ELF2: variants seen among roughly 807,000 people sequenced by gnomAD.
ELF2 encodes the protein ETS-related transcription factor Elf-2.
ELF2 carries 11 observed loss-of-function variants against 54.8 expected under a neutral mutation model. The observed-to-expected ratio is 0.20, with a 90% CI of 0.13 to 0.33. The LOEUF (loss-of-function observed/expected upper bound fraction) is 0.33. Among genes scored for constraint, ELF2 ranks in the 10% least tolerant of loss-of-function variants. ELF2 has a pLI of 1.00. For missense variants in ELF2, 513 were observed against 703.0 expected (o/e 0.73, Z 3.06); for synonymous variants, 203 against 245.1 (o/e 0.83, Z 1.61).
At chr4:139,097,137 T>C (rs570160891) in intron 4 of ELF2, among the ~76,000 whole-genome samples, 1 of 152,326 alleles carries the variant, frequency 6.6e-6, no homozygotes, top group Non-Finnish European at 1.5e-5. Flanking sequence ...TTATATTTCA[T>C]AGTGAGTTCT....
intron 3 of ELF2, among the ~76,000 whole-genome samples, chr4:139,128,524 CTTTT>C (rs572395535): frequency 2.9e-5 from 4 of 139,956 alleles, no homozygotes; most frequent in Non-Finnish European, 3.1e-5. Flanking sequence ...TATTTTTTTG[CTTTT>C]TTTTTTTTTT....
chr4:139,137,241 A>G (rs371853816), intron 3 of ELF2: 10 of 170,918 alleles, frequency 5.9e-5, no homozygotes, highest in Non-Finnish European at 8.6e-5. Context: ...AGAAACAAAG[A>G]TAATAAGTAA....
chr4:139,126,946 G>T (rs1198592788), intron 3 of ELF2, among the ~76,000 whole-genome samples: 2 of 152,160 alleles, frequency 1.3e-5, no homozygotes, highest in African/African-American at 4.8e-5. Context: ...GAGATTCCAC[G>T]ATGCTAGCTA....
At chr4:139,108,973 T>C (rs1488767787) in intron 4 of ELF2, among the ~76,000 whole-genome samples, 7 of 152,274 alleles carry the variant, frequency 4.6e-5, no homozygotes, top group Middle Eastern at 3.4e-3. Context: ...GGAGGCATCA[T>C]AGCAACTCTT....
At chr4:139,087,931 A>G (rs1384904384) in intron 4 of ELF2, among the ~76,000 whole-genome samples, 1 of 152,280 alleles carries the variant, frequency 6.6e-6, no homozygotes, top group East Asian at 1.9e-4. Flanking sequence ...CTGGGAAAAA[A>G]AATTTGCAAT....
At chr4:139,126,739 G>A (rs1736957767) in intron 3 of ELF2, among the ~76,000 whole-genome samples, 1 of 152,092 alleles carries the variant, frequency 6.6e-6, no homozygotes, top group Non-Finnish European at 1.5e-5. Flanking sequence ...TATAGAAGTA[G>A]AATAAAGGTA....
intron 4 of ELF2, among the ~76,000 whole-genome samples, chr4:139,086,987 T>G (rs1250357427): frequency 6.6e-6 from 1 of 152,234 alleles, no homozygotes; most frequent in East Asian, 1.9e-4. Context: ...AAAAGTAATT[T>G]TATTGTAAGT....
At chr4:139,074,366 T>G (rs916919330) in intron 4 of ELF2, among the ~76,000 whole-genome samples, 3 of 152,178 alleles carry the variant, frequency 2.0e-5, no homozygotes, top group African/African-American at 7.2e-5. Flanking sequence ...TGCGCTAATT[T>G]AATCAATTAA....
chr4:139,068,384 G>T (rs1362833219), intron 6 of ELF2, among the ~76,000 whole-genome samples: 1 of 152,168 alleles, frequency 6.6e-6, no homozygotes, highest in Non-Finnish European at 1.5e-5. Context: ...TTTGTTTTCT[G>T]TTCTACAGGA....
chr4:139,095,307 C>T (rs1418347575), intron 4 of ELF2, among the ~76,000 whole-genome samples: 1 of 151,978 alleles, frequency 6.6e-6, no homozygotes, highest in Non-Finnish European at 1.5e-5. Context: ...ACCTCAGCCT[C>T]CCAAGTAGCT....
rs529344569 is a variant in ELF2, at chr4:139,109,129, A to AT, written c.238+16034dup. ...AACCTGCTGGTATAAATCTAACTTT[A>AT]TTTTTTTTTTCAGGAAGATGCTTCA... On this transcript the variant is annotated intron_variant, in intron 4 of 9. Coordinates refer to ENST00000686138, the MANE Select transcript of ELF2 (RefSeq NM_001331036.3). Among the ~76,000 whole-genome samples the AT allele has an allele frequency of 2.1e-3, 318 of 150,088 alleles. 1 individual carries two copies. Among genetic ancestry groups the AT allele is most frequent in the Non-Finnish European group, 3.7e-3 (250 of 67,390 alleles).
chr4:139,127,704 C>A (rs974321096), intron 3 of ELF2, among the ~76,000 whole-genome samples: 3 of 152,090 alleles, frequency 2.0e-5, no homozygotes, highest in Non-Finnish European at 4.4e-5. Flanking sequence ...AGGGTTCATG[C>A]CTGTAATCCC....
intron 4 of ELF2, among the ~76,000 whole-genome samples, chr4:139,109,825 G>A (rs1734779838): frequency 3.3e-5 from 5 of 152,140 alleles, no homozygotes; most frequent in Admixed American, 3.3e-4. Flanking sequence ...AAAGGAGGGA[G>A]GGAGGAACAG....
intron 4 of ELF2, among the ~76,000 whole-genome samples, chr4:139,121,257 C>T (rs1472770078): frequency 4.0e-5 from 6 of 150,586 alleles, no homozygotes; most frequent in South Asian, 2.1e-4. Context: ...TACAGGCGCC[C>T]GCTACCACGC....
rs536472282 is a variant in ELF2, at chr4:139,059,372, T to C, written c.1393A>G (p.Thr465Ala). The C allele has an allele frequency of 1.2e-6, 2 of 1,613,986 alleles. No homozygotes were observed. The highest frequency in any genetic ancestry group is 1.7e-6 in the Non-Finnish European group (2 of 1,179,864). ...TGCAGTTGACACTGTGCAAGCTGTG[T>C]AGCTGGGATGGTAATAATTTTGGCA... is the stretch of plus-strand genomic sequence containing the variant. ...QPAKIITIPA[T>A]QLAQCQLQTK... is the part of the protein sequence containing the mutation. The change falls in exon 10 of 10, where the codon ACA becomes GCA. Residue 465 changes from threonine to alanine, a missense_variant. Around this residue, in one of 3 missense-constraint regions of ELF2, gnomAD observed 291 missense variants for 366.1 expected, o/e 0.79. Coordinates refer to ENST00000686138, the MANE Select transcript of ELF2 (RefSeq NM_001331036.3).
chr4:139,096,171 TTC>T lies in ELF2; in HGVS notation c.239-22606_239-22605del, dbSNP rs1437433017. Among the ~76,000 whole-genome samples the T allele has an allele frequency of 7.2e-5, 11 of 152,050 alleles. No individual in the cohort carries two copies. In the South Asian group the frequency reaches 1.0e-3, roughly 14 times the overall value. ...ATATGAGTTTGACCCAAAAAAAAAA[TTC>T]TGTTATTATATTGGATAAGTTTCAA... is the stretch of plus-strand genomic sequence containing the variant. On this transcript the variant is annotated intron_variant, in intron 4 of 9. Transcript: ENST00000686138.
At chr4:139,148,113 A>AT in intron 1 of ELF2, among the ~76,000 whole-genome samples, 1 of 150,650 alleles carries the variant, frequency 6.6e-6, no homozygotes, top group African/African-American at 2.4e-5. Context: ...AAAAAAAAAA[A>AT]AATTAATGTA....
At chr4:139,108,711 C>T (rs1465960726) in intron 4 of ELF2, among the ~76,000 whole-genome samples, 1 of 151,652 alleles carries the variant, frequency 6.6e-6, no homozygotes, top group Non-Finnish European at 1.5e-5. Flanking sequence ...GATAAGAAGG[C>T]AACAAAACAT....
At chr4:139,108,955 T>C (rs1255847457) in intron 4 of ELF2, among the ~76,000 whole-genome samples, 2 of 152,090 alleles carry the variant, frequency 1.3e-5, no homozygotes, top group African/African-American at 2.4e-5. Context: ...GATGCAATGA[T>C]CGAATGAGGA....
Sources: allele counts gnomAD v4.1 joint callset (sites outside exome capture counted in the v4.1 genomes callset), GRCh38; gene constraint gnomAD v4.1.1; regional missense constraint gnomAD v4.1.1; transcripts MANE v1.5; gene names NCBI Gene and HGNC (gene_info 2026-07-23, HGNC 2026-07-21).